PCDH7: variants seen among roughly 807,000 people sequenced by gnomAD.
PCDH7 encodes protocadherin 7, also known as protocadherin-7.
A neutral mutation model predicts 58.9 loss-of-function variants in PCDH7; 17 were observed. The observed-to-expected ratio is 0.29, with a 90% CI of 0.20 to 0.43. PCDH7 has a LOEUF of 0.43. PCDH7 is among the 20% of genes least tolerant of loss of function. The probability of loss-of-function intolerance (pLI) is 1.00; values close to 1 mark genes in which losing one functional copy is unlikely to be tolerated. For missense variants in PCDH7, 1,274 were observed against 1,441.0 expected (o/e 0.88, Z 1.88); for synonymous variants, 664 against 616.4 (o/e 1.08, Z -1.14).
At chr4:30,724,630 A>C in intron 1 of PCDH7, 34 bp downstream of exon 1, 1 of 1,602,116 alleles carries the variant, frequency 6.2e-7, no homozygotes, top group Non-Finnish European at 8.5e-7. Flanking sequence ...TAAATATCCC[A>C]GGGAGGGCTA....
intron 1 of PCDH7, among the ~76,000 whole-genome samples, chr4:30,879,760 T>C (rs1041959250): frequency 6.6e-6 from 1 of 152,136 alleles, no homozygotes; most frequent in Admixed American, 6.6e-5. Context: ...CTGGTTTTGA[T>C]TAGATAAATA....
intron 3 of PCDH7, among the ~76,000 whole-genome samples, chr4:31,130,260 ACTT>A (rs1718813234): frequency 6.6e-6 from 1 of 151,882 alleles, no homozygotes; most frequent in Non-Finnish European, 1.5e-5. Flanking sequence ...AGCTGTTTGT[ACTT>A]TACTGAACAA....
At chr4:31,142,293 C>T (rs769582066) in intron 3 of PCDH7, among the ~76,000 whole-genome samples, 180 bp from the exon 3 acceptor site, 1 of 152,116 alleles carries the variant, frequency 6.6e-6, no homozygotes, top group African/African-American at 2.4e-5. Flanking sequence ...CTTGCAAAAC[C>T]TTATCTTTGA....
intron 1 of PCDH7, among the ~76,000 whole-genome samples, chr4:30,867,568 G>A (rs1010285925): frequency 5.3e-5 from 8 of 151,920 alleles, no homozygotes; most frequent in Non-Finnish European, 8.8e-5. Context: ...TAGGCTCCTT[G>A]GGGGAAAGGA....
chr4:31,082,079 C>T (rs1200701347), intron 3 of PCDH7, among the ~76,000 whole-genome samples: 1 of 152,178 alleles, frequency 6.6e-6, no homozygotes, highest in Non-Finnish European at 1.5e-5. Flanking sequence ...AGTCACCATG[C>T]CTGGCCTTTT....
At chr4:31,103,021 T>C (rs1191746823) in intron 3 of PCDH7, among the ~76,000 whole-genome samples, 1 of 152,180 alleles carries the variant, frequency 6.6e-6, no homozygotes, top group East Asian at 1.9e-4. Flanking sequence ...TTTTAACTGA[T>C]GTTTACATTA....
At chr4:30,766,986 A>G (rs1043572235) in intron 1 of PCDH7, among the ~76,000 whole-genome samples, 1 of 152,164 alleles carries the variant, frequency 6.6e-6, no homozygotes, top group Non-Finnish European at 1.5e-5. Context: ...ATTATTACTC[A>G]TCTCAAATAT....
intron 3 of PCDH7, among the ~76,000 whole-genome samples, chr4:30,978,802 CTG>C (rs1474052316): frequency 6.6e-6 from 1 of 152,000 alleles, no homozygotes; most frequent in African/African-American, 2.4e-5. Context: ...ATGTAAGTGA[CTG>C]TTGAAAATTC....
intron 3 of PCDH7, among the ~76,000 whole-genome samples, chr4:31,018,671 C>G (rs1753798180): frequency 6.6e-6 from 1 of 152,156 alleles, no homozygotes. Context: ...ACCTGGCACT[C>G]TAAATCCACT....
At chr4:30,932,450 AT>A (rs1265113754) in intron 2 of PCDH7, among the ~76,000 whole-genome samples, 1 of 152,162 alleles carries the variant, frequency 6.6e-6, no homozygotes, top group Non-Finnish European at 1.5e-5. Context: ...CTTTGTGTTC[AT>A]TTTTGCTTTA....
intron 1 of PCDH7, among the ~76,000 whole-genome samples, chr4:30,863,944 A>C (rs2109356465): frequency 6.6e-6 from 1 of 152,246 alleles, no homozygotes; most frequent in Admixed American, 6.6e-5. Context: ...GCAGCAGATA[A>C]GTTTGGAATT....
chr4:31,061,285 G>A (rs1297305483), intron 3 of PCDH7, among the ~76,000 whole-genome samples: 1 of 151,648 alleles, frequency 6.6e-6, no homozygotes, highest in Non-Finnish European at 1.5e-5. Context: ...GCTATCTAGT[G>A]ATAATTGCTG....
intron 3 of PCDH7, among the ~76,000 whole-genome samples, chr4:30,991,359 T>A (rs1703221051): frequency 6.6e-6 from 1 of 152,172 alleles, no homozygotes; most frequent in African/African-American, 2.4e-5. Context: ...AAACAGTTCA[T>A]CTTCCTCCAA....
At chr4:30,813,547 AT>A (rs1727271317) in intron 1 of PCDH7, among the ~76,000 whole-genome samples, 2 of 152,232 alleles carry the variant, frequency 1.3e-5, no homozygotes, top group South Asian at 4.1e-4. Context: ...ATAGTAGTGC[AT>A]CATATAGTGT....
chr4:30,948,760 A>G (rs1747015149), intron 2 of PCDH7, among the ~76,000 whole-genome samples: 1 of 152,038 alleles, frequency 6.6e-6, no homozygotes, highest in African/African-American at 2.4e-5. Context: ...TAGTTTCCAA[A>G]TTTCTCAACT....
intron 1 of PCDH7, among the ~76,000 whole-genome samples, chr4:30,752,493 T>C (rs1374891420): frequency 6.6e-6 from 1 of 152,192 alleles, no homozygotes; most frequent in African/African-American, 2.4e-5. Context: ...ACCTGAAACT[T>C]GAAAGAATTT....
chr4:30,730,727 A>G lies in PCDH7; in HGVS notation c.3175-26A>G, dbSNP rs374431400. 14 of 1,544,408 alleles carry G rather than the reference A, an allele frequency of 9.1e-6. No individual in the cohort carries two copies. In the African/African-American group the frequency reaches 1.7e-4, roughly 18 times the overall value. On this transcript the variant is annotated intron_variant, in intron 1 of 1. Coordinates refer to ENST00000361762, the Ensembl canonical transcript of PCDH7. ...TCTTTATCGATTTTTTTTTACCTGC[A>G]TAAATCTTTATTTTCCTTCTTTCAG...
At chr4:31,048,635 T>A (rs1191192183) in intron 3 of PCDH7, among the ~76,000 whole-genome samples, 1 of 152,070 alleles carries the variant, frequency 6.6e-6, no homozygotes, top group Non-Finnish European at 1.5e-5. Context: ...GCCTCAAGCT[T>A]TTACTACAAA....
At chr4:31,125,488 A>T (rs895252977) in intron 3 of PCDH7, among the ~76,000 whole-genome samples, 1 of 152,226 alleles carries the variant, frequency 6.6e-6, no homozygotes, top group African/African-American at 2.4e-5. Flanking sequence ...AGTTTATAGT[A>T]CAGACTGCCC....
Sources: allele counts gnomAD v4.1 joint callset (sites outside exome capture counted in the v4.1 genomes callset), GRCh38; gene constraint gnomAD v4.1.1; transcripts MANE v1.5; gene names NCBI Gene and HGNC (gene_info 2026-07-23, HGNC 2026-07-21).